NELL1: variants seen among roughly 807,000 people sequenced by gnomAD.
NELL1 encodes protein kinase C-binding protein NELL1.
Under a neutral mutation model 107.4 loss-of-function variants are expected in NELL1, and 76 were observed. The ratio of observed to expected loss-of-function variants is 0.71; its 90% CI spans 0.59 to 0.86. NELL1 has a LOEUF of 0.86. NELL1 is among the 40% of genes least tolerant of loss of function. NELL1 has a pLI of 0.00. For synonymous variants in NELL1, 353 were observed against 341.2 expected (o/e 1.03, Z -0.38); for missense variants, 1,024 against 1,005.5 (o/e 1.02, Z -0.25).
chr11:20,980,719 C>T (rs183965708), intron 12 of NELL1, among the ~76,000 whole-genome samples: 27 of 152,322 alleles, frequency 1.8e-4, no homozygotes, highest in Middle Eastern at 3.4e-3. Flanking sequence ...CTTTGCTTTG[C>T]TAATGCCCTA....
intron 2 of NELL1, chr11:20,770,840 C>G (rs1266636857): frequency 6.6e-6 from 1 of 152,140 alleles, no homozygotes. Flanking sequence ...CAGGGACTGA[C>G]ATTGCTTCAT....
At chr11:21,190,203 T>C (rs1204563796) in intron 13 of NELL1, among the ~76,000 whole-genome samples, 3 of 151,584 alleles carry the variant, frequency 2.0e-5, no homozygotes, top group African/African-American at 7.3e-5. Flanking sequence ...AATACAAAAA[T>C]TAGCTGGGCA....
At chr11:21,035,874 G>A (rs775279875) in intron 12 of NELL1, among the ~76,000 whole-genome samples, 8 of 152,150 alleles carry the variant, frequency 5.3e-5, no homozygotes, top group Admixed American at 5.2e-4. Flanking sequence ...AGTATTGGAA[G>A]TCTTGGCCAG....
chr11:20,790,403 C>T (rs1161819549), intron 3 of NELL1, among the ~76,000 whole-genome samples: 1 of 152,216 alleles, frequency 6.6e-6, no homozygotes, highest in East Asian at 1.9e-4. Context: ...GGAACTCGGC[C>T]CCGACTTTGC....
At chr11:20,736,645 A>T (rs1295640549) in intron 2 of NELL1, among the ~76,000 whole-genome samples, 1 of 152,102 alleles carries the variant, frequency 6.6e-6, no homozygotes, top group Non-Finnish European at 1.5e-5. Flanking sequence ...TATTTTTTAA[A>T]TCATGAAGTT....
chr11:21,061,450 A>C (rs2134363206), intron 12 of NELL1, among the ~76,000 whole-genome samples: 1 of 152,230 alleles, frequency 6.6e-6, no homozygotes, highest in Non-Finnish European at 1.5e-5. Context: ...AGAAGGAGAA[A>C]GCTGTTCCAC....
chr11:21,238,578 A>C (rs115449930), intron 14 of NELL1, among the ~76,000 whole-genome samples: 2,691 of 152,120 alleles, frequency 0.018, 74 homozygotes, highest in African/African-American at 0.061. Flanking sequence ...TCAAAGGAGA[A>C]AGGGGCTTTG....
At chr11:21,023,254 C>T (rs547662107) in intron 12 of NELL1, among the ~76,000 whole-genome samples, 1 of 152,128 alleles carries the variant, frequency 6.6e-6, no homozygotes, top group South Asian at 2.1e-4. Context: ...GCCAGCCATT[C>T]TTCTCCTTTG....
chr11:21,489,929 G>T (rs1041715378), intron 15 of NELL1, among the ~76,000 whole-genome samples: 4 of 151,848 alleles, frequency 2.6e-5, no homozygotes, highest in African/African-American at 9.7e-5. Context: ...ATTTATCATA[G>T]TACTGGGAGC....
intron 12 of NELL1, among the ~76,000 whole-genome samples, chr11:21,030,872 T>A (rs542754973): frequency 3.3e-5 from 5 of 152,236 alleles, no homozygotes; most frequent in African/African-American, 9.6e-5. Context: ...GCATGTATTC[T>A]ATTATCATTC....
At chr11:20,731,627 C>T (rs141062793) in intron 2 of NELL1, among the ~76,000 whole-genome samples, 170 of 152,290 alleles carry the variant, frequency 1.1e-3, no homozygotes, top group African/African-American at 3.8e-3. Context: ...GTAATTAAGA[C>T]GTGGGTTTGA....
At chr11:21,367,411 G>A (rs937144501) in intron 14 of NELL1, among the ~76,000 whole-genome samples, 18 of 151,698 alleles carry the variant, frequency 1.2e-4, no homozygotes, top group Non-Finnish European at 2.2e-4. Flanking sequence ...AAGGAGCTAT[G>A]ATTCTAAGTT....
intron 2 of NELL1, among the ~76,000 whole-genome samples, chr11:20,706,644 C>T (rs1209588419): frequency 2.0e-5 from 3 of 151,862 alleles, no homozygotes; most frequent in Non-Finnish European, 2.9e-5. Context: ...ACGTTGTGCA[C>T]ATGTACCCTA....
At chr11:21,324,196 TGAG>T in intron 14 of NELL1, among the ~76,000 whole-genome samples, 1 of 152,242 alleles carries the variant, frequency 6.6e-6, no homozygotes, top group South Asian at 2.1e-4. Context: ...ATTTTGAAGA[TGAG>T]GATTCCAGAC....
In NELL1 at chr11:20,927,428, A is replaced by G. The variant is rs771230913; in HGVS notation, c.880A>G (p.Asn294Asp). 1.2e-6 allele frequency: 2 copies of G among 1,609,462 alleles called. No homozygotes were observed. The highest frequency in any genetic ancestry group is 3.4e-5 in the Admixed American group (2 of 58,548). ...TTGGGTAGATGGTGACCATTGCAGG[A>G]ACTGCACTTGCAAAGTAAGCCTCTT... ...DSWVDGDHCR[N>D]CTCKSGAVEC... The change falls in exon 8 of 20, where the codon AAC (asparagine) becomes GAC (aspartate). Residue 294 changes from asparagine (N) to aspartate (D), a missense_variant. By Grantham distance (23) the Asn-to-Asp change is conservative. Transcript: ENST00000357134.
chr11:21,358,269 T>C (rs1206924891), intron 14 of NELL1, among the ~76,000 whole-genome samples: 3 of 152,234 alleles, frequency 2.0e-5, no homozygotes, highest in African/African-American at 7.2e-5. Context: ...ATTCTACTCA[T>C]CCATGAGCAT....
At chr11:21,416,719 TATG>T (rs1852528120) in intron 15 of NELL1, among the ~76,000 whole-genome samples, 1 of 152,050 alleles carries the variant, frequency 6.6e-6, no homozygotes, top group African/African-American at 2.4e-5. Flanking sequence ...ATACATCTAA[TATG>T]ATGGAGCTGG....
chr11:21,258,629 T>C (rs1184859929), intron 14 of NELL1, among the ~76,000 whole-genome samples: 1 of 151,804 alleles, frequency 6.6e-6, no homozygotes, highest in African/African-American at 2.4e-5. Context: ...CCCACCTAGG[T>C]AATGGAGGGC....
chr11:21,119,190 G>A (rs1855304128), intron 13 of NELL1, among the ~76,000 whole-genome samples: 1 of 151,886 alleles, frequency 6.6e-6, no homozygotes, highest in East Asian at 1.9e-4. Flanking sequence ...TTCACCCTGT[G>A]GTAGTTATTA....
Sources: gnomAD v4.1 joint callset for allele counts (sites outside exome capture counted in the v4.1 genomes callset) on GRCh38, gnomAD v4.1.1 for gene constraint, MANE v1.5 for transcripts, NCBI Gene and HGNC (gene_info 2026-07-23, HGNC 2026-07-21) for gene names.